The following DDX3Y variants were observed in gnomAD, a reference collection of about 807,000 sequenced individuals.
DDX3Y encodes DEAD-box helicase 3 Y-linked, also known as ATP-dependent RNA helicase DDX3Y.
In DDX3Y, 2 loss-of-function variants were observed where a neutral mutation model predicts 15.1. That is an observed-to-expected ratio of 0.13 (90% CI 0.05 to 0.42). The LOEUF (loss-of-function observed/expected upper bound fraction) is 0.42. Ranked by LOEUF, DDX3Y falls within the 10% of genes least tolerant of loss-of-function variation. The pLI, the probability that DDX3Y is intolerant of heterozygous loss-of-function variation, is 0.99. For missense variants in DDX3Y, 81 were observed against 149.9 expected (o/e 0.54, Z 2.40); for synonymous variants, 47 against 45.0 (o/e 1.04, Z -0.18).
intron 6 of DDX3Y, 28 bp from the exon 7 acceptor site, chrY:12,913,690 T>C (rs1355988320): frequency 2.6e-6 from 1 of 391,238 alleles, no homozygotes; most frequent in South Asian, 3.0e-5. Context: ...TACTTGTATT[T>C]GATTAACCTG....
intron 1 of DDX3Y, 24 bp from the exon 2 acceptor site, chrY:12,907,513 G>T: frequency 3.0e-6 from 1 of 332,879 alleles, no homozygotes. Context: ...GTATCAGCAT[G>T]TGAGCTATTG....
At chrY:12,916,681 C>T in intron 14 of DDX3Y, 47 bp downstream of exon 14, 1 of 291,761 alleles carries the variant, frequency 3.4e-6, no homozygotes, top group Non-Finnish European at 5.2e-6. Flanking sequence ...ATGCATACAG[C>T]CAGGATTTGA....
intron 2 of DDX3Y, among the ~76,000 whole-genome samples, chrY:12,907,896 A>C: frequency 3.0e-5 from 1 of 33,668 alleles, no homozygotes; most frequent in Admixed American, 2.7e-4. Context: ...AGGCCACTGC[A>C]CTCCAGCATG....
chrY:12,907,747 C>CT (rs2053616266), intron 2 of DDX3Y, among the ~76,000 whole-genome samples, 153 bp downstream of exon 2: 1 of 33,183 alleles, frequency 3.0e-5, no homozygotes, highest in Non-Finnish European at 7.4e-5. Context: ...ATAAAATACA[C>CT]TGTTTACCTA....
intron 14 of DDX3Y, 60 bp downstream of exon 14, chrY:12,916,694 C>T: frequency 3.6e-6 from 1 of 281,459 alleles, no homozygotes. Flanking sequence ...GGATTTGACA[C>T]AGAATCTTAA....
intron 2 of DDX3Y, 117 bp from the exon 3 acceptor site, chrY:12,909,243 T>C: frequency 5.3e-6 from 1 of 189,095 alleles, no homozygotes; most frequent in Non-Finnish European, 9.1e-6. Context: ...AGTAGTTTAT[T>C]GTATAAAATA....
In DDX3Y at chrY:12,911,921, A is replaced by G; in HGVS notation, c.234A>G (p.Arg78=). ...GCAGTTTTGGGTCTCGAGATTCTAG[A>G]GGAAAGCCTGGTTATTTCAGTGAAC... ...AYSSFGSRDS[R]GKPGYFSERG... The change falls in exon 4 of 17, where the codon AGA becomes AGG. Residue 78 remains arginine, a synonymous_variant. Coordinates refer to ENST00000336079, the MANE Select transcript of DDX3Y (RefSeq NM_004660.5). 1.8e-5 allele frequency: 7 copies of G among 389,838 alleles called. No individual in the cohort carries two copies. The highest frequency in any genetic ancestry group is 7.6e-5 in the Admixed American group (1 of 13,228).
In DDX3Y at chrY:12,909,358, A is replaced by G; in HGVS notation, c.104-2A>G. 1 of 393,158 alleles carries G rather than the reference A, an allele frequency of 2.5e-6. No individual in the cohort carries two copies. The highest frequency in any genetic ancestry group is 3.6e-6 in the Non-Finnish European group (1 of 280,497). ...CTTCTAATTTTACATTTTCTCTTTT[A>G]GAAGGGCGCTATATACCTCCTCACT... On this transcript the variant is annotated splice_acceptor_variant, in intron 2 of 16. Transcript: ENST00000336079. LOFTEE classifies it high-confidence loss of function.
Position 12,919,847 on chromosome Y carries a change from T to G in DDX3Y, c.*1725T>G. 1 of 33,841 alleles carries G rather than the reference T, an allele frequency of 3.0e-5. No individual in the cohort carries two copies. The highest frequency in any genetic ancestry group is 2.7e-4 in the Admixed American group (1 of 3,683). The allele number at this position is 33,841 out of a possible 400,897, so 8.4% of individuals were successfully genotyped here. ...CTTTTTGCTGCTAGTTGTGTAATAT[T>G]TATTGAACATTTTGACAAATATTTA... is the stretch of plus-strand genomic sequence containing the variant. On this transcript the variant is annotated 3_prime_UTR_variant, in exon 17 of 17. Coordinates refer to ENST00000336079, the MANE Select transcript of DDX3Y (RefSeq NM_004660.5).
In DDX3Y at chrY:12,909,370, T is replaced by C; in HGVS notation, c.114T>C (p.Tyr38=). 2.5e-6 allele frequency: 1 copy of C among 396,331 alleles called. No individual in the cohort carries two copies. Among genetic ancestry groups the C allele is most frequent in the Non-Finnish European group, 3.5e-6 (1 of 281,865 alleles). ...CATTTTCTCTTTTAGAAGGGCGCTA[T>C]ATACCTCCTCACTTAAGGAACAGAG... is the stretch of plus-strand genomic sequence containing the variant. ...GGASTASKGR[Y]IPPHLRNREA... The change falls in exon 3 of 17, where the codon TAT becomes TAC. Residue 38 remains tyrosine, a synonymous_variant. Coordinates refer to ENST00000336079, the MANE Select transcript of DDX3Y (RefSeq NM_004660.5).
chrY:12,907,526 A>G lies in DDX3Y; in HGVS notation c.46-11A>G. The G allele has an allele frequency of 1.1e-5, 4 of 355,048 alleles. No individual in the cohort carries two copies. The highest frequency in any genetic ancestry group is 1.6e-5 in the Non-Finnish European group (4 of 254,417). 88.6% of individuals were successfully genotyped at this position (355,048 alleles called of 400,897 possible). On this transcript the variant is annotated splice_polypyrimidine_tract_variant and intron_variant, in intron 1 of 16. Transcript: ENST00000336079. ...GTGTATCAGCATGTGAGCTATTGATATCTCTTCTAGCTTGCTAATCTGGAC... is the reference window on the plus strand; with the variant it reads ...GTGTATCAGCATGTGAGCTATTGATGTCTCTTCTAGCTTGCTAATCTGGAC...
intron 3 of DDX3Y, 24 bp downstream of exon 3, chrY:12,909,431 A>G: frequency 8.0e-6 from 3 of 376,581 alleles, no homozygotes; most frequent in Non-Finnish European, 1.1e-5. Flanking sequence ...GCAACTTTGT[A>G]GACCTAACCT....
intron 3 of DDX3Y, among the ~76,000 whole-genome samples, chrY:12,910,971 C>T (rs2148297704): frequency 3.6e-5 from 1 of 27,408 alleles, no homozygotes; most frequent in Non-Finnish European, 8.5e-5. Flanking sequence ...AGTACAGTGG[C>T]GCGATCTCAG....
intron 3 of DDX3Y, among the ~76,000 whole-genome samples, chrY:12,910,554 T>C (rs13447365): frequency 2.6e-3 from 86 of 33,371 alleles, no homozygotes; most frequent in Admixed American, 0.023. Flanking sequence ...AAGTATACCT[T>C]ATTCTTAACG....
At chrY:12,904,837 G>T, upstream of DDX3Y, 5 of 278,089 alleles carry the variant, frequency 1.8e-5, no homozygotes, top group African/African-American at 7.0e-5. Context: ...TACCGCGTAG[G>T]CTAACCAGTG....
At chrY:12,917,763 C>G in intron 16 of DDX3Y, among the ~76,000 whole-genome samples, 1 of 30,472 alleles carries the variant, frequency 3.3e-5, no homozygotes, top group African/African-American at 1.3e-4. Flanking sequence ...GGGGTTTCAC[C>G]ATGTTGGCCA....
In DDX3Y at chrY:12,912,771, G is replaced by A; in HGVS notation, c.326G>A (p.Arg109His). 4 of 398,502 alleles carry A rather than the reference G, an allele frequency of 1.0e-5. No individual in the cohort carries two copies. The highest frequency in any genetic ancestry group is 1.4e-5 in the Non-Finnish European group (4 of 283,306). ...GRSDYDGIGN[R>H]ERPGFGRFER... is the part of the protein sequence containing the mutation. Reference sequence around the variant, plus strand: ...AGTGACTATGATGGTATTGGCAATCGTGAAAGACCTGGCTTTGGCAGATTT... The same window carrying A: ...AGTGACTATGATGGTATTGGCAATCATGAAAGACCTGGCTTTGGCAGATTT... Residue 109 changes from arginine to histidine, a missense_variant, in exon 5 of 17, where the codon CGT (arginine) becomes CAT (histidine). Arg to His is a conservative substitution (Grantham distance 29). Transcript: ENST00000336079.
intron 3 of DDX3Y, among the ~76,000 whole-genome samples, chrY:12,910,472 C>T: frequency 3.0e-5 from 1 of 33,263 alleles, no homozygotes; most frequent in Admixed American, 2.7e-4. Flanking sequence ...TGAGTTTACT[C>T]TTGTCATTTT....
intron 3 of DDX3Y, 114 bp downstream of exon 3, chrY:12,909,521 T>A: frequency 6.3e-6 from 1 of 159,476 alleles, no homozygotes; most frequent in Non-Finnish European, 1.1e-5. Context: ...TGTGCCTCTT[T>A]CAGACTGTCT....
Sources: allele counts gnomAD v4.1 joint callset (sites outside exome capture counted in the v4.1 genomes callset), GRCh38; gene constraint gnomAD v4.1.1; transcripts MANE v1.5; gene names NCBI Gene and HGNC (gene_info 2026-07-23, HGNC 2026-07-21).